Variants in XKR6 observed in about 807,000 individuals in gnomAD.
The protein encoded by XKR6 is XK related 6, also known as XK-related protein 6.
Under a neutral mutation model 56.7 loss-of-function variants are expected in XKR6, and 22 were observed. The observed-to-expected ratio is 0.39, with a 90% CI of 0.28 to 0.55. XKR6 has a LOEUF of 0.55. Ranked by LOEUF, XKR6 falls within the 20% of genes least tolerant of loss-of-function variation. The probability of loss-of-function intolerance (pLI) is 0.66; values close to 1 mark genes in which losing one functional copy is unlikely to be tolerated. For missense variants in XKR6, 852 were observed against 889.0 expected (o/e 0.96, Z 0.53); for synonymous variants, 524 against 387.8 (o/e 1.35, Z -4.13).
intron 1 of XKR6, chr8:11,124,011 T>A: frequency 2.2e-6 from 1 of 456,112 alleles, no homozygotes; most frequent in Non-Finnish European, 4.4e-6. Flanking sequence ...CAGTCCTGTC[T>A]CTTCATCAAA....
At chr8:11,072,503 C>A (rs1475460067) in intron 1 of XKR6, among the ~76,000 whole-genome samples, 1 of 152,124 alleles carries the variant, frequency 6.6e-6, no homozygotes, top group Non-Finnish European at 1.5e-5. Flanking sequence ...AATGTGCAGG[C>A]TTACAGAAAG....
chr8:11,155,137 A>T (rs1801455513), intron 1 of XKR6, among the ~76,000 whole-genome samples: 1 of 152,190 alleles, frequency 6.6e-6, no homozygotes, highest in Admixed American at 6.5e-5. Flanking sequence ...ATACTCCCAC[A>T]ACTGTGCTCA....
At chr8:10,990,869 C>T in intron 1 of XKR6, among the ~76,000 whole-genome samples, 1 of 149,662 alleles carries the variant, frequency 6.7e-6, no homozygotes, top group Admixed American at 6.6e-5. Context: ...AGGTGTTCAT[C>T]ACCATGCCCG....
chr8:10,989,449 T>G (rs777483578), intron 1 of XKR6, among the ~76,000 whole-genome samples: 1 of 152,172 alleles, frequency 6.6e-6, no homozygotes, highest in Admixed American at 6.5e-5. Flanking sequence ...ATATCTACGT[T>G]ACGTTTAATT....
intron 1 of XKR6, chr8:11,105,537 A>G (rs1013075364): frequency 6.6e-6 from 1 of 152,202 alleles, no homozygotes; most frequent in African/African-American, 2.4e-5. Flanking sequence ...CCTTCCCCAC[A>G]TTCCTACTGA....
chr8:11,141,167 C>T (rs771917619), intron 1 of XKR6, among the ~76,000 whole-genome samples: 6 of 152,150 alleles, frequency 3.9e-5, no homozygotes, highest in African/African-American at 2.4e-5. Context: ...GTAGTCATAA[C>T]GGAAGCTGGT....
chr8:10,918,792 C>A (rs1800633384), intron 2 of XKR6, among the ~76,000 whole-genome samples: 1 of 152,140 alleles, frequency 6.6e-6, no homozygotes, highest in Non-Finnish European at 1.5e-5. Flanking sequence ...AGTGAGAAAC[C>A]ACCACCTCTC....
chr8:11,022,283 C>T (rs1357322680), intron 1 of XKR6, among the ~76,000 whole-genome samples: 1 of 152,048 alleles, frequency 6.6e-6, no homozygotes, highest in Non-Finnish European at 1.5e-5. Flanking sequence ...GGGAAAGGTG[C>T]ATGGGCTGTA....
chr8:10,933,036 C>A (rs947246794), intron 1 of XKR6, among the ~76,000 whole-genome samples: 4 of 151,976 alleles, frequency 2.6e-5, no homozygotes, highest in Admixed American at 6.5e-5. Context: ...GTTTACAGTC[C>A]CACCAACAGT....
chr8:11,117,519 T>A (rs954298231), intron 1 of XKR6, among the ~76,000 whole-genome samples: 5 of 152,176 alleles, frequency 3.3e-5, no homozygotes, highest in Non-Finnish European at 5.9e-5. Flanking sequence ...TAAGGCAGCA[T>A]CTCTATCTTC....
chr8:11,063,973 C>T (rs1158672094), intron 1 of XKR6, among the ~76,000 whole-genome samples: 1 of 152,200 alleles, frequency 6.6e-6, no homozygotes, highest in South Asian at 2.1e-4. Context: ...TGACAAAAAG[C>T]TTACTGAGTG....
At chr8:11,033,360 GA>G (rs1563357904) in intron 1 of XKR6, among the ~76,000 whole-genome samples, 2 of 150,512 alleles carry the variant, frequency 1.3e-5, no homozygotes, top group African/African-American at 5.0e-5. Flanking sequence ...TGATGATGAC[GA>G]TAGTGATGGT....
intron 1 of XKR6, among the ~76,000 whole-genome samples, chr8:10,938,075 C>T (rs1003007164): frequency 3.3e-5 from 5 of 152,312 alleles, no homozygotes; most frequent in Non-Finnish European, 2.9e-5. Flanking sequence ...TAGGACCCTC[C>T]GAGCCAAGTG....
chr8:11,037,007 G>T (rs1400619104), intron 1 of XKR6, among the ~76,000 whole-genome samples: 1 of 152,198 alleles, frequency 6.6e-6, no homozygotes, highest in African/African-American at 2.4e-5. Context: ...AGCTGAAAAC[G>T]TCGGTGCCCT....
chr8:11,026,493 A>G (rs1798867767), intron 1 of XKR6, among the ~76,000 whole-genome samples: 1 of 148,318 alleles, frequency 6.7e-6, no homozygotes, highest in African/African-American at 2.6e-5. Flanking sequence ...ACACACCTAG[A>G]TGGTCTAGCC....
chr8:10,906,391 C>G (rs1036492798), intron 2 of XKR6, among the ~76,000 whole-genome samples: 8 of 152,210 alleles, frequency 5.3e-5, no homozygotes, highest in Non-Finnish European at 8.8e-5. Flanking sequence ...ACATTCAGTG[C>G]TGTACTCCTA....
At chr8:11,182,307 T>G (rs2409722) in intron 1 of XKR6, among the ~76,000 whole-genome samples, 88,061 of 152,002 alleles carry the variant, frequency 0.58, 28,790 homozygotes, top group African/African-American at 0.88. Context: ...TACCACACAG[T>G]TCCTTTATTG....
chr8:11,043,010 C>G (rs922184864), intron 1 of XKR6, among the ~76,000 whole-genome samples: 1 of 152,176 alleles, frequency 6.6e-6, no homozygotes, highest in African/African-American at 2.4e-5. Flanking sequence ...CAGGCTTGTG[C>G]TGCTGTAGTG....
chr8:11,128,554 T>C (rs933990086), intron 1 of XKR6, among the ~76,000 whole-genome samples: 3 of 152,170 alleles, frequency 2.0e-5, no homozygotes, highest in Admixed American at 6.5e-5. Flanking sequence ...AGGAAAGCAG[T>C]TGTTTAGTCA....
Sources: gnomAD v4.1 joint callset for allele counts (sites outside exome capture counted in the v4.1 genomes callset) on GRCh38, gnomAD v4.1.1 for gene constraint, MANE v1.5 for transcripts, NCBI Gene and HGNC (gene_info 2026-07-23, HGNC 2026-07-21) for gene names.